Variants in CORO2A observed in about 807,000 individuals in gnomAD.
CORO2A encodes coronin 2A.
In CORO2A, 47 loss-of-function variants were observed where a neutral mutation model predicts 62.4. That is an observed-to-expected ratio of 0.75 (90% CI 0.60 to 0.96). CORO2A has a LOEUF of 0.96. Ranked by LOEUF, CORO2A falls within the 40% of genes least tolerant of loss-of-function variation. CORO2A has a pLI of 0.00. For synonymous variants in CORO2A, 273 were observed against 268.9 expected (o/e 1.02, Z -0.15); for missense variants, 610 against 684.1 (o/e 0.89, Z 1.21).
At chr9:98,134,435 C>T (rs1296184182) in intron 4 of CORO2A, among the ~76,000 whole-genome samples, 1 of 152,156 alleles carries the variant, frequency 6.6e-6, no homozygotes, top group African/African-American at 2.4e-5. Flanking sequence ...CAGAATGTGA[C>T]CTTATTTGGA....
At chr9:98,185,290 G>A (rs1389069539) in intron 1 of CORO2A, among the ~76,000 whole-genome samples, 3 of 152,224 alleles carry the variant, frequency 2.0e-5, no homozygotes, top group Admixed American at 6.5e-5. Flanking sequence ...GGTCTAGCTT[G>A]TCTGCATTCA....
intron 1 of CORO2A, among the ~76,000 whole-genome samples, chr9:98,176,308 G>C (rs1272987919): frequency 6.6e-6 from 1 of 152,130 alleles, no homozygotes; most frequent in African/African-American, 2.4e-5. Flanking sequence ...ACATCTAGGG[G>C]TAAGCACCAA....
chr9:98,148,766 AAAAC>A (rs944707623), intron 2 of CORO2A, among the ~76,000 whole-genome samples: 279 of 150,968 alleles, frequency 1.8e-3, no homozygotes, highest in African/African-American at 5.5e-3. Flanking sequence ...AAAACAAAAC[AAAAC>A]AAACAAACAA....
rs1199332924 is a variant in CORO2A at position 98,121,328 on chromosome 9, AAGG to A, written c.*3443_*3445del. 1 of 152,232 alleles carries A rather than the reference AAGG, an allele frequency of 6.6e-6. No individual in the cohort carries two copies. The highest frequency in any genetic ancestry group is 2.4e-5 in the African/African-American group (1 of 41,466). The allele number at this position is 152,232 out of a possible 1,614,324, so 9.4% of individuals were successfully genotyped here. On this transcript the variant is annotated 3_prime_UTR_variant, in exon 12 of 12. Coordinates refer to ENST00000375077, the MANE Select transcript of CORO2A (RefSeq NM_052820.4). ...AAAGGGGACGCCCAGGGTATGGAAT[AAGG>A]AGATGAGAGCATGCTCTGCCAACTG...
chr9:98,160,401 T>G (rs1296061384), intron 1 of CORO2A, among the ~76,000 whole-genome samples: 3 of 152,108 alleles, frequency 2.0e-5, no homozygotes, highest in African/African-American at 7.2e-5. Context: ...GACCTCAGAT[T>G]TGGCTCTGAG....
intron 1 of CORO2A, among the ~76,000 whole-genome samples, chr9:98,169,930 T>G (rs1828010804): frequency 6.6e-6 from 1 of 152,036 alleles, no homozygotes. Context: ...GCTCTCAGAC[T>G]GAGCAGTCTC....
intron 1 of CORO2A, among the ~76,000 whole-genome samples, chr9:98,176,141 G>A (rs1208401814): frequency 6.6e-6 from 1 of 152,084 alleles, no homozygotes; most frequent in African/African-American, 2.4e-5. Context: ...GGGGGTGAGG[G>A]GTGTCACCTG....
chr9:98,154,503 C>A (rs1325574456), intron 2 of CORO2A, among the ~76,000 whole-genome samples: 1 of 151,694 alleles, frequency 6.6e-6, no homozygotes, highest in Non-Finnish European at 1.5e-5. Flanking sequence ...AGACATGAAC[C>A]ATTACTAGCA....
intron 1 of CORO2A, 110 bp from the exon 2 acceptor site, chr9:98,157,770 A>T: frequency 1.0e-6 from 1 of 988,472 alleles, no homozygotes; most frequent in Non-Finnish European, 1.5e-6. Context: ...GACAGTGGTC[A>T]GTTCAACGTG....
chr9:98,138,911 G>C (rs1204510203), intron 2 of CORO2A, among the ~76,000 whole-genome samples: 1 of 152,032 alleles, frequency 6.6e-6, no homozygotes, highest in Non-Finnish European at 1.5e-5. Context: ...GCCCGGCGTG[G>C]TGGTGCACGC....
chr9:98,151,332 T>C (rs565021631), intron 2 of CORO2A, among the ~76,000 whole-genome samples: 86 of 152,356 alleles, frequency 5.6e-4, no homozygotes, highest in Non-Finnish European at 4.4e-5. Context: ...TCCATGAATA[T>C]AGTAAATATT....
intron 10 of CORO2A, among the ~76,000 whole-genome samples, chr9:98,127,910 A>G (rs1030302524): frequency 8.0e-5 from 12 of 150,690 alleles, no homozygotes; most frequent in African/African-American, 2.9e-4. Flanking sequence ...CAGGCACCCC[A>G]CATAGCCCCA....
rs1313984736 is a variant in CORO2A, at chr9:98,121,254, C to T, written c.*3520G>A. 2 of 152,164 alleles carry T rather than the reference C, an allele frequency of 1.3e-5. No homozygotes were observed. The highest frequency in any genetic ancestry group is 2.9e-5 in the Non-Finnish European group (2 of 68,026). The allele number at this position is 152,164 out of a possible 1,614,324, so 9.4% of individuals were successfully genotyped here. Reference sequence around the variant, plus strand: ...GCGTTAAGGTGGATACCTGCCAAAGCTCATCTCCTAGTGCTGTCCTCATTC... The same window carrying T: ...GCGTTAAGGTGGATACCTGCCAAAGTTCATCTCCTAGTGCTGTCCTCATTC... On this transcript the variant is annotated 3_prime_UTR_variant, in exon 12 of 12. Transcript: ENST00000375077.
chr9:98,133,035 G>A lies in CORO2A; in HGVS notation c.648+3C>T, dbSNP rs748837167. On this transcript the variant is annotated splice_donor_region_variant and intron_variant, in intron 5 of 11. Coordinates refer to ENST00000375077, the MANE Select transcript of CORO2A (RefSeq NM_052820.4). ...CTGAGCCAGCCCCTGGCCCAGAACT[G>A]ACCTGGAGGACGGTCCCTGCTCGGG... is the stretch of plus-strand genomic sequence containing the variant. 2 of 1,613,988 alleles carry A rather than the reference G, an allele frequency of 1.2e-6. No homozygotes were observed. The highest frequency in any genetic ancestry group is 2.7e-5 in the African/African-American group (2 of 74,948).
At chr9:98,133,592 G>T (rs893007191) in intron 4 of CORO2A, among the ~76,000 whole-genome samples, 26 of 152,294 alleles carry the variant, frequency 1.7e-4, no homozygotes, top group African/African-American at 6.0e-4. Flanking sequence ...CAGAGGTCCA[G>T]GGCAATCCAT....
intron 6 of CORO2A, 44 bp from the exon 7 acceptor site, chr9:98,131,103 G>T: frequency 7.2e-7 from 1 of 1,388,688 alleles, no homozygotes; most frequent in Non-Finnish European, 1.0e-6. Flanking sequence ...TCACTCCTGG[G>T]GGCCCTCAGT....
At chr9:98,178,115 T>C (rs898979008) in intron 1 of CORO2A, among the ~76,000 whole-genome samples, 2 of 152,168 alleles carry the variant, frequency 1.3e-5, no homozygotes, top group East Asian at 3.9e-4. Context: ...GGTGCCATCA[T>C]AGCTCATTGT....
Position 98,124,914 on chromosome 9 carries a change from G to C in CORO2A, c.1447-9C>G. 1.3e-6 allele frequency: 2 copies of C among 1,557,152 alleles called. No homozygotes were observed. Among genetic ancestry groups the C allele is most frequent in the African/African-American group, 1.4e-5 (1 of 73,722 alleles). Reference sequence around the variant, plus strand: ...TAGAACATCTGCAGCAACTGGGGAAGAAAGATCGGAAGGCAGGATCACCAT... The same window carrying C: ...TAGAACATCTGCAGCAACTGGGGAACAAAGATCGGAAGGCAGGATCACCAT... On this transcript the variant is annotated splice_polypyrimidine_tract_variant and intron_variant, in intron 11 of 11. Coordinates refer to ENST00000375077, the MANE Select transcript of CORO2A (RefSeq NM_052820.4).
chr9:98,185,690 GC>G (rs1289248734), intron 1 of CORO2A, among the ~76,000 whole-genome samples: 1 of 152,218 alleles, frequency 6.6e-6, no homozygotes, highest in Non-Finnish European at 1.5e-5. Flanking sequence ...CACAGGAGTT[GC>G]CCAGTTATTG....
Sources: gnomAD v4.1 joint callset for allele counts (sites outside exome capture counted in the v4.1 genomes callset) on GRCh38, gnomAD v4.1.1 for gene constraint, MANE v1.5 for transcripts, NCBI Gene and HGNC (gene_info 2026-07-23, HGNC 2026-07-21) for gene names.